The following SLC68A1 variants were observed in gnomAD, a reference collection of about 807,000 sequenced individuals.
The protein encoded by SLC68A1 is major facilitator superfamily domain containing 13A.
the SLC68A1 span, chr10:102,470,153 T>C: frequency 3.9e-5 from 53 of 1,361,752 alleles, no homozygotes; most frequent in Non-Finnish European, 5.1e-5. Flanking sequence ...CCTGCCTGTG[T>C]TTGGGGTGGG....
the SLC68A1 span, chr10:102,470,908 C>T: frequency 1.4e-5 from 23 of 1,613,248 alleles, no homozygotes; most frequent in East Asian, 4.5e-4. Flanking sequence ...TCAACTTCTA[C>T]TGCTCCCTCT....
the SLC68A1 span, among the ~76,000 whole-genome samples, chr10:102,474,205 A>G: frequency 1.3e-5 from 2 of 152,176 alleles, no homozygotes; most frequent in African/African-American, 4.8e-5. Context: ...CATTCATTCA[A>G]CAAATATGTA....
the SLC68A1 span, chr10:102,468,796 C>T: frequency 4.1e-6 from 2 of 493,356 alleles, no homozygotes; most frequent in Non-Finnish European, 7.3e-6. Context: ...TGGTGTCTAG[C>T]TCAGCACTGT....
the SLC68A1 span, chr10:102,471,498 G>C: frequency 3.1e-5 from 46 of 1,506,396 alleles, no homozygotes; most frequent in African/African-American, 5.7e-4. Context: ...GGTGGCTCAT[G>C]CCTGTAGTCC....
the SLC68A1 span, chr10:102,471,189 C>T: frequency 2.1e-5 from 33 of 1,585,746 alleles, no homozygotes; most frequent in African/African-American, 6.8e-5. Context: ...GCTGGGTCCC[C>T]GGCTGATGGG....
chr10:102,466,482 CAAAAAAA>C, the SLC68A1 span, among the ~76,000 whole-genome samples: 1 of 100,810 alleles, frequency 9.9e-6, no homozygotes, highest in African/African-American at 4.1e-5. Flanking sequence ...GACTCCACCT[CAAAAAAA>C]AAAAAAAAAA....
At chr10:102,473,835 G>C in the SLC68A1 span, 5 of 1,611,772 alleles carry the variant, frequency 3.1e-6, no homozygotes, top group Non-Finnish European at 4.2e-6. Flanking sequence ...CGTCTTCACT[G>C]AGGGCACCTG....
the SLC68A1 span, chr10:102,469,281 G>T: frequency 2.1e-6 from 3 of 1,423,168 alleles, no homozygotes; most frequent in Admixed American, 1.8e-5. Flanking sequence ...CAGATTGCAG[G>T]TGCCTGGTCC....
At chr10:102,475,659 G>C in the SLC68A1 span, 4 of 1,522,240 alleles carry the variant, frequency 2.6e-6, no homozygotes, top group South Asian at 3.9e-5. Context: ...CATAGACTTG[G>C]AGGGCACCAA....
chr10:102,475,251 G>A, the SLC68A1 span, among the ~76,000 whole-genome samples: 19 of 151,686 alleles, frequency 1.3e-4, no homozygotes, highest in African/African-American at 4.4e-4. Flanking sequence ...AGTGGAGATC[G>A]TGCTACTTCA....
the SLC68A1 span, chr10:102,473,700 C>T: frequency 1.2e-5 from 19 of 1,614,004 alleles, no homozygotes; most frequent in Admixed American, 1.3e-4. Context: ...TGTTGTTGGC[C>T]GGCCCGGACC....
the SLC68A1 span, chr10:102,470,999 T>C: frequency 6.2e-7 from 1 of 1,613,422 alleles, no homozygotes; most frequent in Non-Finnish European, 8.5e-7. Flanking sequence ...CCGCGCTTTC[T>C]GCGTGACACT....
chr10:102,465,510 C>T, the SLC68A1 span, among the ~76,000 whole-genome samples: 4 of 152,132 alleles, frequency 2.6e-5, no homozygotes, highest in Non-Finnish European at 4.4e-5. Context: ...TTTCAGCCCA[C>T]AGCCATCTAA....
chr10:102,475,721 G>T, the SLC68A1 span: 2 of 1,590,624 alleles, frequency 1.3e-6, no homozygotes, highest in Non-Finnish European at 1.7e-6. Flanking sequence ...TCTTGTCCTA[G>T]GTCATGACCT....
chr10:102,471,159 C>T, the SLC68A1 span: 3 of 1,602,640 alleles, frequency 1.9e-6, no homozygotes, highest in African/African-American at 4.0e-5. Context: ...CACCAGCAAC[C>T]TTCTAAGTCT....
At chr10:102,469,179 G>A in the SLC68A1 span, 2 of 1,614,114 alleles carry the variant, frequency 1.2e-6, no homozygotes, top group Non-Finnish European at 1.7e-6. Flanking sequence ...TCAACAAAAT[G>A]GCCTTCTGGG....
At chr10:102,466,912 G>A in the SLC68A1 span, among the ~76,000 whole-genome samples, 1 of 152,254 alleles carries the variant, frequency 6.6e-6, no homozygotes, top group African/African-American at 2.4e-5. Context: ...TTTAGAGAGC[G>A]TCTCATTTAA....
chr10:102,464,054 C>A, the SLC68A1 span, among the ~76,000 whole-genome samples: 442 of 152,260 alleles, frequency 2.9e-3, 5 homozygotes, highest in African/African-American at 0.01. Flanking sequence ...TGATGTTGCC[C>A]CAGCTGGTCT....
the SLC68A1 span, among the ~76,000 whole-genome samples, chr10:102,469,552 G>GTT: frequency 4.5e-3 from 660 of 147,758 alleles, 6 homozygotes; most frequent in African/African-American, 0.014. Flanking sequence ...AGGTTTTTTT[G>GTT]TTTTTTTTTT....
Sources: allele counts gnomAD v4.1 joint callset (sites outside exome capture counted in the v4.1 genomes callset), GRCh38; gene constraint gnomAD v4.1.1; transcripts MANE v1.5; gene names NCBI Gene and HGNC (gene_info 2026-07-23, HGNC 2026-07-21).